PPP2R2C: variants seen among roughly 807,000 people sequenced by gnomAD.
PPP2R2C encodes the protein protein phosphatase 2 regulatory subunit Bgamma, also known as protein phosphatase 2, regulatory subunit B, gamma.
A neutral mutation model predicts 45.3 loss-of-function variants in PPP2R2C; 10 were observed. That is an observed-to-expected ratio of 0.22 (90% CI 0.14 to 0.37). The LOEUF (loss-of-function observed/expected upper bound fraction) is 0.37, where lower values mean the gene tolerates loss of function less well. Among genes scored for constraint, PPP2R2C ranks in the 10% least tolerant of loss-of-function variants. The pLI, the probability that PPP2R2C is intolerant of heterozygous loss-of-function variation, is 1.00. For synonymous variants in PPP2R2C, 257 were observed against 245.4 expected (o/e 1.05, Z -0.44); for missense variants, 308 against 619.7 (o/e 0.50, Z 5.34).
intron 2 of PPP2R2C, chr4:6,380,109 C>G (rs1217458438): frequency 6.6e-6 from 1 of 152,440 alleles, no homozygotes; most frequent in Non-Finnish European, 1.5e-5. Context: ...GGGAGACGCC[C>G]TCTCTGAGGC....
chr4:6,553,218 C>T (rs575822136), intron 1 of PPP2R2C, among the ~76,000 whole-genome samples: 4 of 152,296 alleles, frequency 2.6e-5, no homozygotes, highest in Admixed American at 2.6e-4. Context: ...GGGGAGTGTT[C>T]CCCCTCTCCC....
intron 1 of PPP2R2C, among the ~76,000 whole-genome samples, chr4:6,450,914 G>A (rs1720704918): frequency 1.3e-5 from 2 of 152,110 alleles, no homozygotes; most frequent in African/African-American, 4.8e-5. Flanking sequence ...TCCATCGGCG[G>A]ACACTTCAGC....
intron 1 of PPP2R2C, among the ~76,000 whole-genome samples, chr4:6,464,304 G>C (rs1476822114): frequency 6.6e-6 from 1 of 152,186 alleles, no homozygotes; most frequent in Non-Finnish European, 1.5e-5. Flanking sequence ...TTAATGGTGA[G>C]ATGCCTGTCT....
At chr4:6,525,503 A>T (rs1221562574) in intron 2 of PPP2R2C, among the ~76,000 whole-genome samples, 2 of 151,544 alleles carry the variant, frequency 1.3e-5, no homozygotes, top group African/African-American at 4.9e-5. Flanking sequence ...AGAAACCTTA[A>T]AAAAAAACCT....
At chr4:6,442,754 G>A (rs962360147) in intron 1 of PPP2R2C, among the ~76,000 whole-genome samples, 14 of 152,186 alleles carry the variant, frequency 9.2e-5, no homozygotes, top group South Asian at 4.1e-4. Context: ...GAGAGGTTAC[G>A]CAACTCACCC....
chr4:6,493,359 G>C lies in PPP2R2C; in HGVS notation c.49+41912C>G, dbSNP rs550477699. 2.4e-4 allele frequency among the ~76,000 whole-genome samples: 36 copies of C among 151,906 alleles called. 1 individual carries two copies. Among genetic ancestry groups the C allele is most frequent in the African/African-American group, 8.0e-4 (33 of 41,410 alleles). On this transcript the variant is annotated intron_variant, in intron 2 of 9. Coordinates refer to the PPP2R2C transcript ENST00000506140. ...AATGTCAGCTTCAGGGAGCTGGGGT[G>C]GGGGGCGTGTGGACATGGAGGAGAG...
intron 2 of PPP2R2C, among the ~76,000 whole-genome samples, chr4:6,514,862 T>G (rs778701871): frequency 5.9e-5 from 9 of 152,210 alleles, no homozygotes; most frequent in African/African-American, 1.2e-4. Flanking sequence ...CACGCCTAGC[T>G]CAGCTTCAGG....
chr4:6,322,305 G>C lies in PPP2R2C; in HGVS notation c.*997C>G, dbSNP rs999773258. ...CCGCTCAGAGCCTCAGCTTCTTCTC[G>C]TGGACAGAGGGGATCCTAAGGGTTC... On this transcript the variant is annotated 3_prime_UTR_variant, in exon 9 of 9. Coordinates refer to ENST00000382599, the MANE Select transcript of PPP2R2C (RefSeq NM_020416.4). This position sits in a 1 kb window ranked among gnomAD's most constrained non-coding sequence, Gnocchi z 7.8. 6.6e-6 allele frequency: 1 copy of C among 152,182 alleles called. No individual in the cohort carries two copies. The highest frequency in any genetic ancestry group is 1.5e-5 in the Non-Finnish European group (1 of 68,060). 9.4% of individuals were successfully genotyped at this position (152,182 alleles called of 1,614,324 possible). A position where few individuals can be genotyped will look rare whatever the true frequency, so the allele number is the denominator to read the frequency against.
At chr4:6,487,400 G>C (rs962420301) in intron 2 of PPP2R2C, among the ~76,000 whole-genome samples, 2 of 151,716 alleles carry the variant, frequency 1.3e-5, no homozygotes, top group African/African-American at 4.8e-5. Flanking sequence ...AGGCCTGCTA[G>C]TTATGAATTC....
rs961130941 is a variant in PPP2R2C, at chr4:6,471,109, C to T, written c.70+1051G>A. Among the ~76,000 whole-genome samples the T allele has an allele frequency of 4.6e-5, 7 of 152,294 alleles. No homozygotes were observed. In the South Asian group the frequency reaches 6.2e-4, roughly 14 times the overall value. The stretch of plus-strand genomic sequence containing the variant: ...GCCCACTCGGTCTCCCTGACACAGG[C>T]ACCCACGCGCACCTGCCCCGCGGGA... On this transcript the variant is annotated intron_variant, in intron 1 of 8. Coordinates refer to ENST00000382599, the MANE Select transcript of PPP2R2C (RefSeq NM_020416.4). The surrounding 1 kb of genome is among the most constrained non-coding windows in gnomAD (Gnocchi z 5.6).
Position 6,329,685 on chromosome 4 carries a change from C to T in PPP2R2C, c.961-332G>A, listed in dbSNP as rs561932024. On this transcript the variant is annotated intron_variant, in intron 7 of 8. Coordinates refer to ENST00000382599, the MANE Select transcript of PPP2R2C (RefSeq NM_020416.4). This position sits in a 1 kb window ranked among gnomAD's most constrained non-coding sequence, Gnocchi z 5.8. ...ACAGCCCTGCTCATCTTATCGGGGG[C>T]CCACGACCAGGCACACGGCTGACCT... is the stretch of plus-strand genomic sequence containing the variant. Among the ~76,000 whole-genome samples, 5 of 151,712 alleles carry T rather than the reference C, an allele frequency of 3.3e-5. No individual in the cohort carries two copies. The highest frequency in any genetic ancestry group is 1.9e-4 in the East Asian group (1 of 5,154).
At chr4:6,381,623 G>A in intron 1 of PPP2R2C, 3 of 1,488,544 alleles carry the variant, frequency 2.0e-6, no homozygotes, top group Middle Eastern at 2.2e-4. Context: ...CTGCTCTGTG[G>A]CCCCACCTCC....
Position 6,478,154 on chromosome 4 carries a change from G to A in PPP2R2C, c.49+57117C>T, listed in dbSNP as rs75856577. 5.6e-3 allele frequency among the ~76,000 whole-genome samples: 845 copies of A among 152,216 alleles called. 12 individuals are homozygous for A. The highest frequency in any genetic ancestry group is 0.019 in the African/African-American group (803 of 41,534). On this transcript the variant is annotated intron_variant, in intron 2 of 9. Transcript: ENST00000506140. The stretch of plus-strand genomic sequence containing the variant: ...CTCCCGCCGACAGTGCCATCCCTAC[G>A]TCTCACCTTTTCTCCATTTGGAATT...
chr4:6,388,747 T>C (rs1716399424), intron 1 of PPP2R2C, among the ~76,000 whole-genome samples: 2 of 152,124 alleles, frequency 1.3e-5, no homozygotes, highest in African/African-American at 4.8e-5. Flanking sequence ...TGGGGAGGCC[T>C]GGAACAGAGT....
rs1317820923 is a variant in PPP2R2C at position 6,345,907 on chromosome 4, C to G, written c.790+1939G>C. 6.6e-6 allele frequency among the ~76,000 whole-genome samples: 1 copy of G among 152,186 alleles called. No homozygotes were observed. The highest frequency in any genetic ancestry group is 2.4e-5 in the African/African-American group (1 of 41,446). ...CCAGGTGGCATTACTGCCTGGATAT[C>G]TGGCTGCCTACTCGACCCATTTCCT... On this transcript the variant is annotated intron_variant, in intron 6 of 8. Transcript: ENST00000382599. The surrounding 1 kb of genome is among the most constrained non-coding windows in gnomAD (Gnocchi z 5.3).
At chr4:6,544,173 G>T (rs1263929684) in intron 1 of PPP2R2C, among the ~76,000 whole-genome samples, 1 of 152,224 alleles carries the variant, frequency 6.6e-6, no homozygotes, top group Non-Finnish European at 1.5e-5. Context: ...AGTGGAGCCT[G>T]GTTCCTGTTG....
chr4:6,441,988 A>G (rs1167726128), intron 1 of PPP2R2C, among the ~76,000 whole-genome samples: 4 of 152,160 alleles, frequency 2.6e-5, no homozygotes, highest in African/African-American at 9.7e-5. Context: ...AAGGCTCCTG[A>G]CCACCTGGGT....
intron 1 of PPP2R2C, among the ~76,000 whole-genome samples, chr4:6,464,586 G>A (rs570453541): frequency 3.3e-5 from 5 of 152,312 alleles, no homozygotes; most frequent in African/African-American, 4.8e-5. Context: ...GTATGCAGAC[G>A]TGAATTACAA....
At chr4:6,529,010 C>A (rs1724308305) in intron 2 of PPP2R2C, among the ~76,000 whole-genome samples, 1 of 152,204 alleles carries the variant, frequency 6.6e-6, no homozygotes, top group African/African-American at 2.4e-5. Context: ...CACGGACGCG[C>A]ACTAAACTTA....
Sources: gnomAD v4.1 joint callset for allele counts (sites outside exome capture counted in the v4.1 genomes callset) on GRCh38, gnomAD v4.1.1 for gene constraint, Gnocchi (gnomAD v3.1) non-coding constraint, MANE v1.5 for transcripts, NCBI Gene and HGNC (gene_info 2026-07-23, HGNC 2026-07-21) for gene names.